Variants in THSD7B observed in about 807,000 individuals in gnomAD.
THSD7B encodes thrombospondin type-1 domain-containing protein 7B.
THSD7B carries 138 observed loss-of-function variants against 213.6 expected under a neutral mutation model. The observed-to-expected ratio is 0.65, with a 90% CI of 0.56 to 0.74. The LOEUF (loss-of-function observed/expected upper bound fraction) is 0.74. Among genes scored for constraint, THSD7B ranks in the 30% least tolerant of loss-of-function variants. The pLI is 0.00. For synonymous variants in THSD7B, 742 were observed against 687.0 expected (o/e 1.08, Z -1.25); for missense variants, 1,931 against 1,991.5 (o/e 0.97, Z 0.58).
chr2:136,831,451 C>G (rs1682754216), intron 1 of THSD7B, among the ~76,000 whole-genome samples: 1 of 152,178 alleles, frequency 6.6e-6, no homozygotes, highest in South Asian at 2.1e-4. Flanking sequence ...ACCTAATCAT[C>G]TGGCTTCAGA....
chr2:137,556,542 G>A (rs1315612942), intron 15 of THSD7B, among the ~76,000 whole-genome samples: 1 of 152,118 alleles, frequency 6.6e-6, no homozygotes, highest in African/African-American at 2.4e-5. Context: ...CCTGAAGAAA[G>A]CACTAAACAT....
At chr2:137,534,853 T>C (rs1680472295) in intron 15 of THSD7B, among the ~76,000 whole-genome samples, 1 of 151,820 alleles carries the variant, frequency 6.6e-6, no homozygotes, top group African/African-American at 2.4e-5. Context: ...TTAAACTAGT[T>C]AGAATGACTA....
intron 1 of THSD7B, among the ~76,000 whole-genome samples, chr2:136,805,843 C>A (rs1682270592): frequency 6.6e-6 from 1 of 152,202 alleles, no homozygotes; most frequent in Non-Finnish European, 1.5e-5. Context: ...CTGGTCCCTT[C>A]AGGTTAGGGG....
intron 2 of THSD7B, among the ~76,000 whole-genome samples, chr2:137,022,080 C>T (rs775498422): frequency 2.6e-5 from 4 of 152,078 alleles, no homozygotes; most frequent in South Asian, 2.1e-4. Context: ...ATTGTTTAAC[C>T]GTTTACCTGA....
At chr2:137,279,907 T>C (rs898867286) in intron 12 of THSD7B, among the ~76,000 whole-genome samples, 1 of 152,208 alleles carries the variant, frequency 6.6e-6, no homozygotes, top group South Asian at 2.1e-4. Flanking sequence ...GAAAAGTTTA[T>C]TTTGTCTTTG....
chr2:137,540,847 T>C (rs1212561837), intron 15 of THSD7B, among the ~76,000 whole-genome samples: 1 of 151,756 alleles, frequency 6.6e-6, no homozygotes, highest in Non-Finnish European at 1.5e-5. Context: ...ACAGGGGTTC[T>C]GACAAACTGT....
intron 5 of THSD7B, among the ~76,000 whole-genome samples, chr2:137,142,788 G>T (rs1488681135): frequency 1.3e-5 from 2 of 151,908 alleles, no homozygotes; most frequent in African/African-American, 4.8e-5. Context: ...TGACTTGATT[G>T]TTATTTATGT....
intron 2 of THSD7B, among the ~76,000 whole-genome samples, chr2:136,911,166 A>T (rs1684251534): frequency 6.6e-6 from 1 of 152,192 alleles, no homozygotes; most frequent in Non-Finnish European, 1.5e-5. Context: ...TGGCCAAGGC[A>T]CATACTACTA....
chr2:137,248,523 C>T (rs571630537), intron 10 of THSD7B, among the ~76,000 whole-genome samples: 19 of 152,274 alleles, frequency 1.2e-4, no homozygotes, highest in African/African-American at 4.6e-4. Context: ...TTCCACAGAT[C>T]CAGGTCAATT....
intron 15 of THSD7B, among the ~76,000 whole-genome samples, chr2:137,548,432 A>T (rs1325415160): frequency 6.6e-6 from 1 of 151,956 alleles, no homozygotes; most frequent in African/African-American, 2.4e-5. Flanking sequence ...TGCTGAGACC[A>T]TAGCAATGTC....
At chr2:137,562,594 T>TTGTGTGTG (rs72488766) in intron 15 of THSD7B, among the ~76,000 whole-genome samples, 15,675 of 144,916 alleles carry the variant, frequency 0.11, 845 homozygotes, top group South Asian at 0.18. Context: ...GTATTTCTCT[T>TTGTGTGTG]TGTGTGTGTG....
intron 17 of THSD7B, among the ~76,000 whole-genome samples, chr2:137,599,455 A>T (rs367745963): frequency 1.4e-4 from 21 of 152,052 alleles, no homozygotes; most frequent in African/African-American, 4.8e-4. Context: ...CACACCAGTT[A>T]GAATGGCAAT....
At chr2:137,634,331 T>C (rs374570789) in intron 20 of THSD7B, among the ~76,000 whole-genome samples, 8 of 152,170 alleles carry the variant, frequency 5.3e-5, no homozygotes, top group African/African-American at 1.9e-4. Context: ...AATAATAATG[T>C]CATTCATAGA....
intron 17 of THSD7B, among the ~76,000 whole-genome samples, chr2:137,586,401 C>T (rs1177788378): frequency 6.6e-6 from 1 of 151,860 alleles, no homozygotes; most frequent in Non-Finnish European, 1.5e-5. Context: ...GTTATTTTGC[C>T]CATTAGTTGA....
At chr2:136,880,459 CCTT>C (rs1339021223) in intron 1 of THSD7B, among the ~76,000 whole-genome samples, 3 of 152,086 alleles carry the variant, frequency 2.0e-5, no homozygotes, top group African/African-American at 7.2e-5. Context: ...TTTTAGATCT[CCTT>C]CACTCCACTA....
intron 6 of THSD7B, among the ~76,000 whole-genome samples, chr2:137,166,983 A>T (rs1187182912): frequency 6.6e-6 from 1 of 152,056 alleles, no homozygotes; most frequent in African/African-American, 2.4e-5. Flanking sequence ...ACTAATAATG[A>T]TACTATAAGA....
At chr2:137,098,722 G>C (rs1688086772) in intron 4 of THSD7B, among the ~76,000 whole-genome samples, 1 of 152,106 alleles carries the variant, frequency 6.6e-6, no homozygotes, top group Non-Finnish European at 1.5e-5. Flanking sequence ...GCATGGCTTT[G>C]GGGGATACTC....
chr2:136,905,803 T>G (rs1684150606), intron 2 of THSD7B, among the ~76,000 whole-genome samples: 1 of 152,230 alleles, frequency 6.6e-6, no homozygotes, highest in Non-Finnish European at 1.5e-5. Flanking sequence ...TGTGGTCTCC[T>G]GCAAAAACAG....
At chr2:137,577,356 C>T (rs1377070590) in intron 17 of THSD7B, among the ~76,000 whole-genome samples, 2 of 152,156 alleles carry the variant, frequency 1.3e-5, no homozygotes, top group South Asian at 2.1e-4. Context: ...TCTTTAGGCT[C>T]CTCAAGTTTT....
Sources: allele counts gnomAD v4.1 joint callset (sites outside exome capture counted in the v4.1 genomes callset), GRCh38; gene constraint gnomAD v4.1.1; transcripts MANE v1.5; gene names NCBI Gene and HGNC (gene_info 2026-07-23, HGNC 2026-07-21).